The following ALK variants were observed in gnomAD, a reference collection of about 807,000 sequenced individuals.
ALK encodes ALK tyrosine kinase receptor.
ALK carries 74 observed loss-of-function variants against 163.1 expected under a neutral mutation model. The observed-to-expected ratio is 0.45, with a 90% CI of 0.38 to 0.55. The LOEUF is 0.55. Among genes scored for constraint, ALK ranks in the 20% least tolerant of loss-of-function variants. ALK has a pLI of 0.00. For missense variants in ALK, 2,063 were observed against 2,105.3 expected, an observed-to-expected ratio of 0.98 and a Z score of 0.39; for synonymous variants, 960 against 843.2, an observed-to-expected ratio of 1.14 and a Z score of -2.40.
chr2:29,318,701 A>T (rs1666911612), intron 7 of ALK, among the ~76,000 whole-genome samples: 2 of 151,782 alleles, frequency 1.3e-5, no homozygotes, highest in Admixed American at 6.6e-5. Context: ...CAAGTGGCAG[A>T]CTACACAGGC....
At chr2:29,369,156 T>G (rs1273525487) in intron 5 of ALK, among the ~76,000 whole-genome samples, 1 of 152,150 alleles carries the variant, frequency 6.6e-6, no homozygotes, top group Non-Finnish European at 1.5e-5. Context: ...GAGCCTTGCT[T>G]TTGCCATGTG....
chr2:29,841,638 C>T (rs1163955504), intron 1 of ALK, among the ~76,000 whole-genome samples: 1 of 152,146 alleles, frequency 6.6e-6, no homozygotes, highest in East Asian at 1.9e-4. Context: ...TCCGTGAGTC[C>T]TGGGGAGTTA....
chr2:29,241,143 T>TG (rs759244355), intron 12 of ALK, among the ~76,000 whole-genome samples: 2 of 152,132 alleles, frequency 1.3e-5, no homozygotes, highest in African/African-American at 2.4e-5. Context: ...TATTGAATGT[T>TG]GGGAGCGGTG....
intron 2 of ALK, among the ~76,000 whole-genome samples, chr2:29,697,411 C>A (rs1678599765): frequency 6.6e-6 from 1 of 152,182 alleles, no homozygotes; most frequent in African/African-American, 2.4e-5. Context: ...CTTCCCTGGG[C>A]AGACTCTTTC....
At chr2:29,562,662 T>C (rs1183404856) in intron 3 of ALK, among the ~76,000 whole-genome samples, 1 of 152,220 alleles carries the variant, frequency 6.6e-6, no homozygotes, top group Non-Finnish European at 1.5e-5. Context: ...TTCTCATCCA[T>C]AAACCTTTTA....
chr2:29,673,778 A>G, intron 3 of ALK, among the ~76,000 whole-genome samples: 1 of 150,770 alleles, frequency 6.6e-6, no homozygotes, highest in Non-Finnish European at 1.5e-5. Flanking sequence ...CAGTATGGCC[A>G]TTTTCATGAT....
intron 1 of ALK, among the ~76,000 whole-genome samples, chr2:29,792,504 T>C (rs1263534031): frequency 6.6e-6 from 1 of 152,078 alleles, no homozygotes; most frequent in African/African-American, 2.4e-5. Flanking sequence ...AAATAATCCA[T>C]AACAAAACTC....
At chr2:29,254,866 A>C (rs1478093344) in intron 11 of ALK, among the ~76,000 whole-genome samples, 1 of 152,230 alleles carries the variant, frequency 6.6e-6, no homozygotes, top group Non-Finnish European at 1.5e-5. Flanking sequence ...GTCATTTCTC[A>C]ATAAAAGGGA....
chr2:29,771,046 C>T (rs1234886188), intron 1 of ALK, among the ~76,000 whole-genome samples: 1 of 151,984 alleles, frequency 6.6e-6, no homozygotes, highest in Non-Finnish European at 1.5e-5. Context: ...CATACATGCA[C>T]ACATACACAG....
rs536292751 is a variant in ALK, at chr2:29,544,803, C to T, written c.953-12687G>A. Among the ~76,000 whole-genome samples the T allele has an allele frequency of 2.6e-4, 39 of 152,198 alleles. 1 individual carries two copies. The highest frequency in any genetic ancestry group is 8.9e-4 in the African/African-American group (37 of 41,534). The stretch of plus-strand genomic sequence containing the variant: ...TACCTGAGGAGACTTAAAAATGCTA[C>T]ATTCCATATCTGGCTTTCAGAATGT... On this transcript the variant is annotated intron_variant, in intron 3 of 28. Coordinates refer to ENST00000389048, the MANE Select transcript of ALK (RefSeq NM_004304.5).
intron 4 of ALK, among the ~76,000 whole-genome samples, chr2:29,478,529 C>T (rs4617999): frequency 0.5 from 75,424 of 152,108 alleles, 20,001 homozygotes; most frequent in South Asian, 0.62. Context: ...CCATGACTCC[C>T]TTACCCTGTA....
chr2:29,225,061 T>C (rs1227906973), intron 19 of ALK, among the ~76,000 whole-genome samples: 1 of 152,076 alleles, frequency 6.6e-6, no homozygotes, highest in Non-Finnish European at 1.5e-5. Flanking sequence ...GAGGGCTGGT[T>C]TGGGGAAGAG....
At chr2:29,250,070 T>G (rs10197179) in intron 12 of ALK, among the ~76,000 whole-genome samples, 24,916 of 152,206 alleles carry the variant, frequency 0.16, 2,905 homozygotes, top group African/African-American at 0.33. Context: ...CCCAGGATGT[T>G]GTGGATCCCG....
chr2:29,667,587 T>C (rs993566117), intron 3 of ALK, among the ~76,000 whole-genome samples: 1 of 151,936 alleles, frequency 6.6e-6, no homozygotes, highest in East Asian at 1.9e-4. Context: ...AGGTGTAAGA[T>C]ATGTTATTGA....
At position 29,725,261 on chromosome 2, in the gene ALK, A is replaced by G. The variant is rs566280427; in HGVS notation, c.668-7564T>C. On this transcript the variant is annotated intron_variant, in intron 1 of 28. Transcript: ENST00000389048. ...GGCCACTGTTTGCCTTTTCAGCCTT[A>G]TTTCCCATTCAGAATCCTTCCTTTC... is the stretch of plus-strand genomic sequence containing the variant. Among the ~76,000 whole-genome samples the G allele has an allele frequency of 4.0e-5, 6 of 150,726 alleles. No homozygotes were observed. In the South Asian group the frequency reaches 1.3e-3, roughly 32 times the overall value.
chr2:29,419,652 T>C (rs780124891), intron 4 of ALK, among the ~76,000 whole-genome samples: 2 of 151,630 alleles, frequency 1.3e-5, no homozygotes, highest in Non-Finnish European at 2.9e-5. Flanking sequence ...TGAAGAAGTT[T>C]GGTTTTCATA....
intron 3 of ALK, among the ~76,000 whole-genome samples, chr2:29,654,966 T>C (rs1055833111): frequency 6.6e-6 from 1 of 152,140 alleles, no homozygotes; most frequent in African/African-American, 2.4e-5. Context: ...TCTGTCATTG[T>C]TCGCTTACTG....
chr2:29,866,686 ATTAAAG>A (rs1666443600), intron 1 of ALK, among the ~76,000 whole-genome samples: 1 of 152,236 alleles, frequency 6.6e-6, no homozygotes, highest in Non-Finnish European at 1.5e-5. Flanking sequence ...ATAAGGAAGA[ATTAAAG>A]TTAAAGATGA....
chr2:29,485,608 T>C (rs1011163485), intron 4 of ALK, among the ~76,000 whole-genome samples: 4 of 152,230 alleles, frequency 2.6e-5, no homozygotes, highest in African/African-American at 9.6e-5. Context: ...TGGCTTTCTT[T>C]CTTGGCAGGG....
Sources: allele counts gnomAD v4.1 joint callset (sites outside exome capture counted in the v4.1 genomes callset), GRCh38; gene constraint gnomAD v4.1.1; transcripts MANE v1.5; gene names NCBI Gene and HGNC (gene_info 2026-07-23, HGNC 2026-07-21).